SSH3: variants seen among roughly 807,000 people sequenced by gnomAD.
SSH3 encodes protein phosphatase Slingshot homolog 3.
In SSH3, 67 loss-of-function variants were observed where a neutral mutation model predicts 75.0. The observed-to-expected ratio is 0.89, with a 90% CI of 0.73 to 1.10. The LOEUF (loss-of-function observed/expected upper bound fraction) is 1.10. SSH3 is among the 50% of genes least tolerant of loss of function. SSH3 has a pLI of 0.00. For synonymous variants in SSH3, 318 were observed against 349.2 expected (o/e 0.91, Z 1.00); for missense variants, 824 against 872.7 (o/e 0.94, Z 0.70).
In SSH3 at chr11:67,308,996, C is replaced by A. The variant is rs76227952; in HGVS notation, c.1062-401C>A. On this transcript the variant is annotated intron_variant, in intron 10 of 13. Coordinates refer to ENST00000308127, the MANE Select transcript of SSH3 (RefSeq NM_017857.4). This position sits in a 1 kb window ranked among gnomAD's most constrained non-coding sequence, Gnocchi z 4.9. ...GGGAAGAAGGAACTGCCCTTCTCCC[C>A]GTGGGGACCTGGCTGCCTGCTCTGA... 6.6e-6 allele frequency among the ~76,000 whole-genome samples: 1 copy of A among 152,216 alleles called. No individual in the cohort carries two copies. Among genetic ancestry groups the A allele is most frequent in the Non-Finnish European group, 1.5e-5 (1 of 68,036 alleles).
intron 10 of SSH3, 155 bp from the exon 11 acceptor site, chr11:67,309,242 G>A: frequency 1.1e-6 from 1 of 908,250 alleles, no homozygotes; most frequent in Non-Finnish European, 1.7e-6. Flanking sequence ...TCGCAGCCAG[G>A]TGACAGCTGG....
chr11:67,308,102 G>A lies in SSH3; in HGVS notation c.886-72G>A. On this transcript the variant is annotated intron_variant, in intron 8 of 13. Coordinates refer to ENST00000308127, the MANE Select transcript of SSH3 (RefSeq NM_017857.4). This position sits in a 1 kb window ranked among gnomAD's most constrained non-coding sequence, Gnocchi z 4.9. ...ATGGGATAGGGTGCTGTCCTCAGAG[G>A]TCCCAGAGGGAAGGTGGCAGGTTGG... is the stretch of plus-strand genomic sequence containing the variant. The A allele has an allele frequency of 6.3e-7, 1 of 1,588,432 alleles. No individual in the cohort carries two copies.
chr11:67,306,967 G>C lies in SSH3; in HGVS notation c.464+5G>C. The C allele has an allele frequency of 6.2e-7, 1 of 1,612,240 alleles. No individual in the cohort carries two copies. The highest frequency in any genetic ancestry group is 8.5e-7 in the Non-Finnish European group (1 of 1,178,474). ...CGTGGATTTCCCTGACAGCAGGTTCGAGCAGGGAGAGGAAAGGAGGGGCAA... is the reference window on the plus strand; with the variant it reads ...CGTGGATTTCCCTGACAGCAGGTTCCAGCAGGGAGAGGAAAGGAGGGGCAA... On this transcript the variant is annotated splice_donor_5th_base_variant and intron_variant, in intron 4 of 13. Coordinates refer to ENST00000308127, the MANE Select transcript of SSH3 (RefSeq NM_017857.4).
At position 67,304,935 on chromosome 11, in the gene SSH3, G is replaced by T; in HGVS notation, c.267G>T (p.Gln89His). 6.2e-7 allele frequency: 1 copy of T among 1,613,722 alleles called. No homozygotes were observed. Among genetic ancestry groups the T allele is most frequent in the Non-Finnish European group, 8.5e-7 (1 of 1,179,976 alleles). Residue 89 changes from glutamine (Q) to histidine (H), a missense_variant, in exon 3 of 14, where the codon CAG becomes CAT. By Grantham distance (24) the Gln-to-His change is conservative. Transcript: ENST00000308127. The part of the protein sequence containing the change: ...TDFGQGSQSP[Q>H]KQEEQRQHLH... ...TCGGGCAAGGATCCCAGAGTCCCCAGAAGCAGGAGGAGCAGAGGCAGCACC... is the reference window on the plus strand; with the variant it reads ...TCGGGCAAGGATCCCAGAGTCCCCATAAGCAGGAGGAGCAGAGGCAGCACC...
rs61731786 is a variant in SSH3, at chr11:67,304,911, C to T, written c.243C>T (p.Phe81=). 29,441 of 1,613,692 alleles carry T rather than the reference C, an allele frequency of 0.018. 3,450 individuals carry two copies. In the Admixed American group the frequency reaches 0.29, roughly 16 times the overall value. ...EEELHGDQTD[F]GQGSQSPQKQ... is the part of the protein sequence containing the mutation. ...AGCTCCACGGGGACCAGACAGACTT[C>T]GGGCAAGGATCCCAGAGTCCCCAGA... Residue 81 remains phenylalanine (F), a synonymous_variant, in exon 3 of 14, where the codon TTC becomes TTT. Coordinates refer to ENST00000308127, the MANE Select transcript of SSH3 (RefSeq NM_017857.4).
Position 67,307,733 on chromosome 11 carries a change from G to C in SSH3, c.787G>C (p.Gly263Arg), listed in dbSNP as rs148649808. Residue 263 changes from glycine (G) to arginine (R), a missense_variant, in exon 7 of 14, where the codon GGC becomes CGC. Physicochemically the swap from Gly to Arg is moderately radical, Grantham distance 125. Coordinates refer to ENST00000308127, the MANE Select transcript of SSH3 (RefSeq NM_017857.4). The surrounding 1 kb of genome is among the most constrained non-coding windows in gnomAD (Gnocchi z 4.2). Reference protein sequence around the residue: ...ESLRPPSAEPGGSSEQEQMEQ... With the variant: ...ESLRPPSAEPRGSSEQEQMEQ... ...TCTGCGGCCTCCCAGCGCCGAGCCT[G>C]GCGGGTCAGTGTGTGGAGGGGAGGG... is the stretch of plus-strand genomic sequence containing the variant. 6.9e-5 allele frequency: 112 copies of C among 1,613,808 alleles called. No individual in the cohort carries two copies. The highest frequency in any genetic ancestry group is 8.9e-5 in the Non-Finnish European group (105 of 1,180,016).
intron 11 of SSH3, 78 bp from the exon 12 acceptor site, chr11:67,309,690 C>T: frequency 6.3e-7 from 1 of 1,592,616 alleles, no homozygotes; most frequent in Non-Finnish European, 8.5e-7. Flanking sequence ...GGTTGTGAGC[C>T]CTTCACCTGC....
intron 3 of SSH3, 30 bp from the exon 4 acceptor site, chr11:67,306,808 T>A: frequency 6.3e-7 from 1 of 1,590,956 alleles, no homozygotes; most frequent in East Asian, 2.3e-5. Context: ...TTGGGGCCAC[T>A]GTGACCCTGG....
chr11:67,308,024 CTCCAG>C lies in SSH3; in HGVS notation c.885+89_885+93del. 3 of 1,598,902 alleles carry C rather than the reference CTCCAG, an allele frequency of 1.9e-6. No individual in the cohort carries two copies. The highest frequency in any genetic ancestry group is 2.6e-6 in the Non-Finnish European group (3 of 1,171,320). On this transcript the variant is annotated intron_variant, in intron 8 of 13. Coordinates refer to ENST00000308127, the MANE Select transcript of SSH3 (RefSeq NM_017857.4). This position sits in a 1 kb window ranked among gnomAD's most constrained non-coding sequence, Gnocchi z 4.9. The stretch of plus-strand genomic sequence containing the variant: ...TGGGAGCCCTCCCCACCTTGCCTGT[CTCCAG>C]TCCTGAGCCATTCCTGGATGCCTTG...
Position 67,307,298 on chromosome 11 carries a change from G to C in SSH3, c.537-73G>C. 2 of 1,595,808 alleles carry C rather than the reference G, an allele frequency of 1.3e-6. No individual in the cohort carries two copies. Among genetic ancestry groups the C allele is most frequent in the Non-Finnish European group, 1.7e-6 (2 of 1,172,272 alleles). On this transcript the variant is annotated intron_variant, in intron 5 of 13. Transcript: ENST00000308127. This position sits in a 1 kb window ranked among gnomAD's most constrained non-coding sequence, Gnocchi z 4.2. The stretch of plus-strand genomic sequence containing the variant: ...CCTGACTCCTGGGTCTCGGCTTCCC[G>C]TATCCAGCAAAAGGATGGGTTCTCT...
Position 67,304,778 on chromosome 11 carries a change from G to A in SSH3, c.110G>A (p.Ser37Asn). ...QRRSRLQRRQ[S>N]FAVLRGAVLG... The stretch of plus-strand genomic sequence containing the variant: ...GTTGCCCACTGCCCTGCCAGGCAGA[G>A]CTTTGCGGTGCTCCGTGGGGCTGTC... Residue 37 changes from serine (S) to asparagine (N), a missense_variant, in exon 3 of 14, where the codon AGC (serine) becomes AAC (asparagine). Coordinates refer to ENST00000308127, the MANE Select transcript of SSH3 (RefSeq NM_017857.4). 1 of 1,602,498 alleles carries A rather than the reference G, an allele frequency of 6.2e-7. No homozygotes were observed. Among genetic ancestry groups the A allele is most frequent in the Non-Finnish European group, 8.5e-7 (1 of 1,175,232 alleles).
chr11:67,305,790 G>C (rs1387176681), intron 3 of SSH3, among the ~76,000 whole-genome samples: 1 of 152,144 alleles, frequency 6.6e-6, no homozygotes, highest in Non-Finnish European at 1.5e-5. Flanking sequence ...TGGAGCTGGA[G>C]CGCTCATGCT....
At position 67,307,486 on chromosome 11, in the gene SSH3, G is replaced by A; in HGVS notation, c.602+50G>A. On this transcript the variant is annotated intron_variant, in intron 6 of 13. Transcript: ENST00000308127. This position sits in a 1 kb window ranked among gnomAD's most constrained non-coding sequence, Gnocchi z 4.2. ...CAGGCCAGCCTCTCCTTCGAAGGAG[G>A]CTGCAGGGCCTGGGGAAGGGCAGCA... The A allele has an allele frequency of 6.2e-7, 1 of 1,613,408 alleles. No homozygotes were observed. Among genetic ancestry groups the A allele is most frequent in the Non-Finnish European group, 8.5e-7 (1 of 1,179,772 alleles).
At position 67,307,669 on chromosome 11, in the gene SSH3, C is replaced by T; in HGVS notation, c.723C>T (p.Ser241=). The T allele has an allele frequency of 6.2e-7, 1 of 1,614,096 alleles. No individual in the cohort carries two copies. The highest frequency in any genetic ancestry group is 8.5e-7 in the Non-Finnish European group (1 of 1,180,044). ...HYQERLNSEQ[S]CLNEWTAMAD... ...AGGAGAGACTGAACTCCGAACAGAG[C>T]TGCCTCAATGAGTGGACGGCTATGG... Residue 241 remains serine, a synonymous_variant, in exon 7 of 14, where the codon AGC becomes AGT. Coordinates refer to ENST00000308127, the MANE Select transcript of SSH3 (RefSeq NM_017857.4). The surrounding 1 kb of genome is among the most constrained non-coding windows in gnomAD (Gnocchi z 4.2).
chr11:67,305,893 A>G (rs1861226290), intron 3 of SSH3, among the ~76,000 whole-genome samples: 1 of 152,180 alleles, frequency 6.6e-6, no homozygotes, highest in Admixed American at 6.5e-5. Context: ...CAACAGAAGT[A>G]TCATCCCCTA....
Position 67,305,727 on chromosome 11 carries a change from G to C in SSH3, c.339+720G>C, listed in dbSNP as rs537799467. Among the ~76,000 whole-genome samples the C allele has an allele frequency of 5.3e-5, 8 of 152,266 alleles. No homozygotes were observed. In the South Asian group the frequency reaches 1.7e-3, roughly 32 times the overall value. ...ACACTGGGGGAGGGTGTGCTAGAGGGACCCAGGCAGAGGGGAGGAGGACTC... is the reference window on the plus strand; with the variant it reads ...ACACTGGGGGAGGGTGTGCTAGAGGCACCCAGGCAGAGGGGAGGAGGACTC... On this transcript the variant is annotated intron_variant, in intron 3 of 13. Coordinates refer to ENST00000308127, the MANE Select transcript of SSH3 (RefSeq NM_017857.4).
In SSH3 at chr11:67,306,968, A is replaced by G. The variant is rs760228083; in HGVS notation, c.464+6A>G. 1 of 1,612,318 alleles carries G rather than the reference A, an allele frequency of 6.2e-7. No homozygotes were observed. The highest frequency in any genetic ancestry group is 1.1e-5 in the South Asian group (1 of 91,056). On this transcript the variant is annotated splice_donor_region_variant and intron_variant, in intron 4 of 13. Coordinates refer to ENST00000308127, the MANE Select transcript of SSH3 (RefSeq NM_017857.4). Reference sequence around the variant, plus strand: ...GTGGATTTCCCTGACAGCAGGTTCGAGCAGGGAGAGGAAAGGAGGGGCAAA... The same window carrying G: ...GTGGATTTCCCTGACAGCAGGTTCGGGCAGGGAGAGGAAAGGAGGGGCAAA...
chr11:67,309,953 G>C lies in SSH3; in HGVS notation c.1394G>C (p.Gly465Ala). 1 of 1,610,148 alleles carries C rather than the reference G, an allele frequency of 6.2e-7. No homozygotes were observed. The highest frequency in any genetic ancestry group is 1.1e-5 in the South Asian group (1 of 91,080). ...CTGCGCCAGCTGCAGATCTACCAGG[G>C]CATCCTGACGGCCAGGTATGGGATG... is the stretch of plus-strand genomic sequence containing the variant. The part of the protein sequence containing the change: ...GFLRQLQIYQ[G>A]ILTASRQSHV... Residue 465 changes from glycine to alanine, a missense_variant, in exon 12 of 14, where the codon GGC (glycine) becomes GCC (alanine). Physicochemically the swap from Gly to Ala is moderately conservative, Grantham distance 60. Coordinates refer to ENST00000308127, the MANE Select transcript of SSH3 (RefSeq NM_017857.4).
chr11:67,308,845 T>G lies in SSH3; in HGVS notation c.1061+387T>G, dbSNP rs1861331055. Among the ~76,000 whole-genome samples, 1 of 151,880 alleles carries G rather than the reference T, an allele frequency of 6.6e-6. No homozygotes were observed. Among genetic ancestry groups the G allele is most frequent in the Non-Finnish European group, 1.5e-5 (1 of 67,970 alleles). On this transcript the variant is annotated intron_variant, in intron 10 of 13. Transcript: ENST00000308127. This position sits in a 1 kb window ranked among gnomAD's most constrained non-coding sequence, Gnocchi z 4.9. ...GGAGGATCGCTTGAGCCCTGGAGAT[T>G]GAGGCCGCAGTGAGCCGTGATCACG...
Sources: gnomAD v4.1 joint callset for allele counts (sites outside exome capture counted in the v4.1 genomes callset) on GRCh38, gnomAD v4.1.1 for gene constraint, Gnocchi (gnomAD v3.1) non-coding constraint, MANE v1.5 for transcripts, NCBI Gene and HGNC (gene_info 2026-07-23, HGNC 2026-07-21) for gene names.